Variants in SEPTIN7 observed in about 807,000 individuals in gnomAD.
SEPTIN7 encodes septin 7, also known as septin-7.
SEPTIN7 carries 10 observed loss-of-function variants against 63.3 expected under a neutral mutation model. The observed-to-expected ratio is 0.16, with a 90% CI of 0.10 to 0.27. The LOEUF (loss-of-function observed/expected upper bound fraction) is 0.27, where lower values mean the gene tolerates loss of function less well. Among genes scored for constraint, SEPTIN7 ranks in the 10% least tolerant of loss-of-function variants. The pLI is 1.00. For missense variants in SEPTIN7, 310 were observed against 521.0 expected (o/e 0.59, Z 3.94); for synonymous variants, 131 against 165.3 (o/e 0.79, Z 1.59).
chr7:35,858,461 T>G (rs1344173460), intron 3 of SEPTIN7, among the ~76,000 whole-genome samples: 1 of 151,926 alleles, frequency 6.6e-6, no homozygotes, highest in Non-Finnish European at 1.5e-5. Context: ...ATTCAAGCAA[T>G]TCTCCTGCCT....
chr7:35,883,422 C>T (rs578042216), intron 8 of SEPTIN7, among the ~76,000 whole-genome samples: 1 of 152,204 alleles, frequency 6.6e-6, no homozygotes, highest in East Asian at 1.9e-4. Flanking sequence ...CATGGATGAA[C>T]ACAAATCCAG....
At chr7:35,831,681 T>C (rs1446901050) in intron 2 of SEPTIN7, 185 bp downstream of exon 2, 1 of 236,464 alleles carries the variant, frequency 4.2e-6, no homozygotes, top group Admixed American at 5.8e-5. Flanking sequence ...CTAATTATTA[T>C]GTTTATAGTT....
chr7:35,841,014 A>G (rs1475707729), intron 3 of SEPTIN7, among the ~76,000 whole-genome samples: 1 of 152,202 alleles, frequency 6.6e-6, no homozygotes, highest in Non-Finnish European at 1.5e-5. Flanking sequence ...TGTCTTAATC[A>G]TGGAACAGTG....
At chr7:35,822,163 T>C (rs1349945743) in intron 1 of SEPTIN7, among the ~76,000 whole-genome samples, 1 of 152,096 alleles carries the variant, frequency 6.6e-6, no homozygotes, top group South Asian at 2.1e-4. Flanking sequence ...CACTGCATCC[T>C]CTGCCTCCCA....
At chr7:35,887,587 A>T (rs569342374) in intron 10 of SEPTIN7, among the ~76,000 whole-genome samples, 1 of 152,172 alleles carries the variant, frequency 6.6e-6, no homozygotes. Context: ...CCTCAAGTAA[A>T]CCACCTGCCT....
At chr7:35,838,248 C>A (rs5024385) in intron 3 of SEPTIN7, among the ~76,000 whole-genome samples, 5,405 of 17,606 alleles carry the variant, frequency 0.31, 477 homozygotes, top group African/African-American at 0.42. Flanking sequence ...TTCCTTCCTT[C>A]CTTCCTTCCT....
intron 4 of SEPTIN7, among the ~76,000 whole-genome samples, chr7:35,870,713 C>T (rs59057349): frequency 0.014 from 2,157 of 150,840 alleles, 32 homozygotes; most frequent in African/African-American, 0.036. Context: ...TTTTTTGGCC[C>T]AGCACTTTGG....
rs35271815 is a variant in SEPTIN7 at position 35,894,125 on chromosome 7, CTTT to C, written c.998+3347_998+3349del. 4.0e-3 allele frequency among the ~76,000 whole-genome samples: 540 copies of C among 135,340 alleles called. 4 individuals are homozygous for C. The highest frequency in any genetic ancestry group is 0.032 in the East Asian group (150 of 4,704). The allele number at this position is 135,340 out of a possible 152,430, so 88.8% of individuals were successfully genotyped here. A position where few individuals can be genotyped will look rare whatever the true frequency, so the allele number is the denominator to read the frequency against. On this transcript the variant is annotated intron_variant, in intron 11 of 13. Coordinates refer to ENST00000350320, the MANE Select transcript of SEPTIN7 (RefSeq NM_001788.6). ...TGATCCCCAATAAGAGGAGGGCCGT[CTTT>C]TTTTTTTTTTTTTTCTAAACTTCCT...
chr7:35,865,427 A>C (rs115444163), intron 4 of SEPTIN7, among the ~76,000 whole-genome samples: 2,250 of 152,298 alleles, frequency 0.015, 49 homozygotes, highest in African/African-American at 0.05. Flanking sequence ...TCTTTCAGTG[A>C]AGATTACGTC....
intron 3 of SEPTIN7, among the ~76,000 whole-genome samples, chr7:35,847,610 GTCT>G (rs2116029497): frequency 6.6e-6 from 1 of 152,218 alleles, no homozygotes; most frequent in South Asian, 2.1e-4. Flanking sequence ...AATGTCAAAA[GTCT>G]TCTTTTTGAA....
chr7:35,811,884 C>A (rs1337211811), intron 1 of SEPTIN7, among the ~76,000 whole-genome samples: 6 of 152,046 alleles, frequency 3.9e-5, no homozygotes, highest in African/African-American at 1.2e-4. Flanking sequence ...TAGCTTCCTG[C>A]AGTGGCAGGT....
chr7:35,811,627 C>A (rs1788711545), intron 1 of SEPTIN7, among the ~76,000 whole-genome samples: 1 of 152,142 alleles, frequency 6.6e-6, no homozygotes, highest in African/African-American at 2.4e-5. Flanking sequence ...TGGTTCTCAT[C>A]GGTAAACCCA....
intron 3 of SEPTIN7, among the ~76,000 whole-genome samples, chr7:35,857,770 AAAG>A (rs1357530974): frequency 2.6e-5 from 4 of 152,226 alleles, no homozygotes; most frequent in Non-Finnish European, 4.4e-5. Context: ...GAGTATTAAA[AAAG>A]CAGAAACCAT....
intron 1 of SEPTIN7, among the ~76,000 whole-genome samples, chr7:35,805,074 G>A (rs1224094933): frequency 6.6e-6 from 1 of 152,186 alleles, no homozygotes; most frequent in East Asian, 1.9e-4. Flanking sequence ...TAGAGACGGG[G>A]TTTCACCATG....
intron 3 of SEPTIN7, among the ~76,000 whole-genome samples, chr7:35,852,108 C>A (rs1429413488): frequency 1.3e-5 from 2 of 152,106 alleles, no homozygotes; most frequent in Non-Finnish European, 2.9e-5. Flanking sequence ...AAATACATTT[C>A]ATTGCAACTA....
rs1788607949 is a variant in SEPTIN7, at chr7:35,906,358, C to T, written c.*2065C>T. 1 of 152,148 alleles carries T rather than the reference C, an allele frequency of 6.6e-6. No individual in the cohort carries two copies. Among genetic ancestry groups the T allele is most frequent in the Admixed American group, 6.5e-5 (1 of 15,270 alleles). The allele number at this position is 152,148 out of a possible 1,614,324, so 9.4% of individuals were successfully genotyped here. A position where few individuals can be genotyped will look rare whatever the true frequency, so the allele number is the denominator to read the frequency against. The stretch of plus-strand genomic sequence containing the variant: ...TTACTAGGACTTTTGATTGTTGACT[C>T]CAGGCTTAGGTATATCAGAAGGTTC... On this transcript the variant is annotated 3_prime_UTR_variant, in exon 14 of 14. Coordinates refer to ENST00000350320, the MANE Select transcript of SEPTIN7 (RefSeq NM_001788.6).
chr7:35,839,403 CAT>C (rs2115954048), intron 3 of SEPTIN7, among the ~76,000 whole-genome samples: 1 of 152,170 alleles, frequency 6.6e-6, no homozygotes, highest in East Asian at 1.9e-4. Flanking sequence ...TGTTTAATCT[CAT>C]AATAATGCTG....
chr7:35,903,523 A>G (rs1242472399), intron 13 of SEPTIN7, among the ~76,000 whole-genome samples: 1 of 152,176 alleles, frequency 6.6e-6, no homozygotes, highest in Non-Finnish European at 1.5e-5. Flanking sequence ...GTTGTTGGAC[A>G]TAAGGGTTGT....
intron 4 of SEPTIN7, among the ~76,000 whole-genome samples, chr7:35,871,840 T>C (rs1469413010): frequency 1.3e-5 from 2 of 152,218 alleles, no homozygotes; most frequent in African/African-American, 4.8e-5. Context: ...AATCCGTGTT[T>C]GCTTTATCTT....
Sources: allele counts gnomAD v4.1 joint callset (sites outside exome capture counted in the v4.1 genomes callset), GRCh38; gene constraint gnomAD v4.1.1; transcripts MANE v1.5; gene names NCBI Gene and HGNC (gene_info 2026-07-23, HGNC 2026-07-21).